The following ZNF268 variants were observed in gnomAD, a reference collection of about 807,000 sequenced individuals.
The protein encoded by ZNF268 is zinc finger protein 268, also known as zinc finger protein 3.
Under a neutral mutation model 29.3 loss-of-function variants are expected in ZNF268, and 20 were observed. The observed-to-expected ratio is 0.68, with a 90% CI of 0.48 to 0.99. The LOEUF is 0.99. Among genes scored for constraint, ZNF268 ranks in the 50% least tolerant of loss-of-function variants. The probability of loss-of-function intolerance (pLI) is 0.00; values close to 1 mark genes in which losing one functional copy is unlikely to be tolerated. For missense variants in ZNF268, 1,240 were observed against 1,121.6 expected, an observed-to-expected ratio of 1.11 and a Z score of -1.51; for synonymous variants, 429 against 376.9, an observed-to-expected ratio of 1.14 and a Z score of -1.60.
Position 133,207,191 on chromosome 12 carries a change from G to T in ZNF268, c.*2661G>T, listed in dbSNP as rs545593045. ...GAAAGACATTCCAGAGACTTTTCAG[G>T]AATAGTTATTATAAGGAAAATCCAA... On this transcript the variant is annotated 3_prime_UTR_variant, in exon 6 of 6. Coordinates refer to ENST00000536435, the MANE Select transcript of ZNF268 (RefSeq NM_003415.3). 6.6e-6 allele frequency: 1 copy of T among 152,154 alleles called. No individual in the cohort carries two copies. The highest frequency in any genetic ancestry group is 1.9e-4 in the East Asian group (1 of 5,188). 9.4% of individuals were successfully genotyped at this position (152,154 alleles called of 1,614,324 possible). A position where few individuals can be genotyped will look rare whatever the true frequency, so the allele number is the denominator to read the frequency against.
Position 133,206,433 on chromosome 12 carries a change from A to C in ZNF268, c.*1903A>C, listed in dbSNP as rs1956898988. 6.6e-6 allele frequency: 1 copy of C among 152,182 alleles called. No homozygotes were observed. Among genetic ancestry groups the C allele is most frequent in the Non-Finnish European group, 1.5e-5 (1 of 68,044 alleles). The allele number at this position is 152,182 out of a possible 1,614,324, so 9.4% of individuals were successfully genotyped here. Reference sequence around the variant, plus strand: ...CAATTTAAGATTATGTGTCAGTGATACTACTTAGTTACATGTAGCTATAGA... The same window carrying C: ...CAATTTAAGATTATGTGTCAGTGATCCTACTTAGTTACATGTAGCTATAGA... On this transcript the variant is annotated 3_prime_UTR_variant, in exon 6 of 6. Transcript: ENST00000536435.
intron 5 of ZNF268, among the ~76,000 whole-genome samples, chr12:133,199,261 G>A (rs1367736089): frequency 6.6e-6 from 1 of 152,160 alleles, no homozygotes. Flanking sequence ...GTTGAATTTT[G>A]TCAGAGGCCT....
intron 5 of ZNF268, among the ~76,000 whole-genome samples, chr12:133,199,732 C>T (rs1012478258): frequency 6.6e-6 from 1 of 152,188 alleles, no homozygotes; most frequent in African/African-American, 2.4e-5. Flanking sequence ...TTGGTCTATT[C>T]AGAGAGTCAA....
rs1012353724 is a variant in ZNF268 at position 133,204,618 on chromosome 12, C to T, written c.*88C>T. The T allele has an allele frequency of 1.9e-6, 2 of 1,048,072 alleles. No homozygotes were observed. The highest frequency in any genetic ancestry group is 1.7e-5 in the African/African-American group (1 of 59,838). The allele number at this position is 1,048,072 out of a possible 1,614,324, so 64.9% of individuals were successfully genotyped here. ...AACTCTGTAAGTGGAATCATCTTGTCATCTTCCAGAAAACTCATACTGAAT... is the reference window on the plus strand; with the variant it reads ...AACTCTGTAAGTGGAATCATCTTGTTATCTTCCAGAAAACTCATACTGAAT... On this transcript the variant is annotated 3_prime_UTR_variant, in exon 6 of 6. Coordinates refer to ENST00000536435, the MANE Select transcript of ZNF268 (RefSeq NM_003415.3).
chr12:133,194,655 G>T (rs1012739218), intron 5 of ZNF268, among the ~76,000 whole-genome samples: 5 of 152,214 alleles, frequency 3.3e-5, no homozygotes, highest in African/African-American at 9.7e-5. Context: ...GGCTATCTCC[G>T]TTGGCTCAGA....
Position 133,204,704 on chromosome 12 carries a change from C to A in ZNF268, c.*174C>A. 1.9e-6 allele frequency: 1 copy of A among 522,928 alleles called. No individual in the cohort carries two copies. Among genetic ancestry groups the A allele is most frequent in the Non-Finnish European group, 3.3e-6 (1 of 307,030 alleles). The allele number at this position is 522,928 out of a possible 1,614,324, so 32.4% of individuals were successfully genotyped here. Reference sequence around the variant, plus strand: ...TCCACAGAAAGCTGTTCTTTACATGCAAAAAGATAGTAGACAATACACAGG... The same window carrying A: ...TCCACAGAAAGCTGTTCTTTACATGAAAAAAGATAGTAGACAATACACAGG... On this transcript the variant is annotated 3_prime_UTR_variant, in exon 6 of 6. Transcript: ENST00000536435.
rs1566389074 is a variant in ZNF268, at chr12:133,204,884, T to C, written c.*354T>C. The C allele has an allele frequency of 1.1e-5, 2 of 180,552 alleles. No homozygotes were observed. The highest frequency in any genetic ancestry group is 2.4e-5 in the African/African-American group (1 of 42,534). The allele number at this position is 180,552 out of a possible 1,614,324, so 11.2% of individuals were successfully genotyped here. On this transcript the variant is annotated 3_prime_UTR_variant, in exon 6 of 6. Coordinates refer to ENST00000536435, the MANE Select transcript of ZNF268 (RefSeq NM_003415.3). ...GGAAACTTCATGAACCAGATGAATA[T>C]AGAATAGACTTCTTTGAAATTCATA...
rs1956884852 is a variant in ZNF268 at position 133,205,587 on chromosome 12, G to A, written c.*1057G>A. Reference sequence around the variant, plus strand: ...ATTGTTTCTTTGTGTCTTACCAAATGCAACTTGTTACTAGAATATGACTTA... The same window carrying A: ...ATTGTTTCTTTGTGTCTTACCAAATACAACTTGTTACTAGAATATGACTTA... On this transcript the variant is annotated 3_prime_UTR_variant, in exon 6 of 6. Transcript: ENST00000536435. The A allele has an allele frequency of 6.6e-6, 1 of 152,080 alleles. No individual in the cohort carries two copies. The highest frequency in any genetic ancestry group is 2.1e-4 in the South Asian group (1 of 4,828). 9.4% of individuals were successfully genotyped at this position (152,080 alleles called of 1,614,324 possible). A position where few individuals can be genotyped will look rare whatever the true frequency, so the allele number is the denominator to read the frequency against.
Position 133,191,626 on chromosome 12 carries a change from C to A in ZNF268, c.361+11C>A. 1 of 1,613,492 alleles carries A rather than the reference C, an allele frequency of 6.2e-7. No homozygotes were observed. The highest frequency in any genetic ancestry group is 8.5e-7 in the Non-Finnish European group (1 of 1,179,652). On this transcript the variant is annotated intron_variant, in intron 4 of 5. Transcript: ENST00000536435. ...ACCTGGTGTCCCTAGGTAAGTGCTG[C>A]CTCCCTGAGGAGGAGTGTGCTCGAT...
chr12:133,200,044 T>C (rs968240751), intron 5 of ZNF268, among the ~76,000 whole-genome samples: 7 of 152,154 alleles, frequency 4.6e-5, no homozygotes, highest in African/African-American at 1.7e-4. Flanking sequence ...CTCCTCTGAT[T>C]TTAGTTATTT....
At position 133,205,863 on chromosome 12, in the gene ZNF268, A is replaced by G. The variant is rs897335633; in HGVS notation, c.*1333A>G. 3.3e-5 allele frequency: 5 copies of G among 152,174 alleles called. No homozygotes were observed. Among genetic ancestry groups the G allele is most frequent in the Admixed American group, 2.0e-4 (3 of 15,272 alleles). 9.4% of individuals were successfully genotyped at this position (152,174 alleles called of 1,614,324 possible). ...CTGCTCAGGACTTGGCATGAGCACTATGGTCAGCTGAGGCTCAGAACTGTA... is the reference window on the plus strand; with the variant it reads ...CTGCTCAGGACTTGGCATGAGCACTGTGGTCAGCTGAGGCTCAGAACTGTA... On this transcript the variant is annotated 3_prime_UTR_variant, in exon 6 of 6. Transcript: ENST00000536435.
At chr12:133,191,740 T>C in intron 4 of ZNF268, 125 bp downstream of exon 4, 1 of 1,494,320 alleles carries the variant, frequency 6.7e-7, no homozygotes, top group Non-Finnish European at 9.2e-7. Flanking sequence ...CCAGATTTTC[T>C]TAGTTCCCTA....
chr12:133,212,574 T>A lies in ZNF268; in HGVS notation c.*8044T>A, dbSNP rs1464105624. 6.6e-6 allele frequency: 1 copy of A among 150,434 alleles called. No homozygotes were observed. 9.3% of individuals were successfully genotyped at this position (150,434 alleles called of 1,614,324 possible). On this transcript the variant is annotated 3_prime_UTR_variant, in exon 6 of 6. Coordinates refer to ENST00000536435, the MANE Select transcript of ZNF268 (RefSeq NM_003415.3). ...ATACACATATATATACACATATATATAATAAGAACATTTACCATTTTAACT... is the reference window on the plus strand; with the variant it reads ...ATACACATATATATACACATATATAAAATAAGAACATTTACCATTTTAACT...
At chr12:133,187,034 T>C (rs1474951937) in intron 2 of ZNF268, among the ~76,000 whole-genome samples, 5 of 152,350 alleles carry the variant, frequency 3.3e-5, no homozygotes, top group Admixed American at 2.6e-4. Context: ...CTATCTCTTA[T>C]CACCTTTTAC....
At position 133,204,293 on chromosome 12, in the gene ZNF268, T is replaced by G; in HGVS notation, c.2607T>G (p.Cys869Trp). Reference sequence around the variant, plus strand: ...AGAAACCATATGAATGCAGTGAGTGTGGAAAAGCCTTCATTAGGAATTCTC... The same window carrying G: ...AGAAACCATATGAATGCAGTGAGTGGGGAAAAGCCTTCATTAGGAATTCTC... ...TREKPYECSE[C>W]GKAFIRNSQL... The change falls in exon 6 of 6, where the codon TGT (cysteine) becomes TGG (tryptophan). Residue 869 changes from cysteine (C) to tryptophan (W), a missense_variant. This residue lies in a region of ZNF268 where 1,177 missense variants were observed against 1,039.6 expected (regional missense o/e 1.13). Transcript: ENST00000536435. 6.4e-7 allele frequency: 1 copy of G among 1,555,874 alleles called. No individual in the cohort carries two copies. The highest frequency in any genetic ancestry group is 8.7e-7 in the Non-Finnish European group (1 of 1,153,932).
Position 133,202,653 on chromosome 12 carries a change from C to T in ZNF268, c.967C>T (p.Gln323Ter). The T allele has an allele frequency of 6.2e-7, 1 of 1,605,848 alleles. No homozygotes were observed. Among genetic ancestry groups the T allele is most frequent in the Non-Finnish European group, 8.5e-7 (1 of 1,175,726 alleles). Residue 323 changes from glutamine (Q) to a stop codon, truncating the protein, a stop_gained, in exon 6 of 6, where the codon CAG becomes TAG. Coordinates refer to ENST00000536435, the MANE Select transcript of ZNF268 (RefSeq NM_003415.3). LOFTEE classifies it low-confidence loss of function (END_TRUNC). ...TAGTAAATCATACCTCATTGTACAT[C>T]AGAGAATTCATACAGGAGAGAAACT... ...FSSKSYLIVH[Q>*]RIHTGEKLHE...
chr12:133,197,736 G>C (rs542133374), intron 5 of ZNF268, among the ~76,000 whole-genome samples: 130 of 152,284 alleles, frequency 8.5e-4, no homozygotes, highest in African/African-American at 3.0e-3. Context: ...CATCCTAACT[G>C]GTGTGAGATG....
rs1248993012 is a variant in ZNF268, at chr12:133,209,434, G to A, written c.*4904G>A. On this transcript the variant is annotated 3_prime_UTR_variant, in exon 6 of 6. Coordinates refer to ENST00000536435, the MANE Select transcript of ZNF268 (RefSeq NM_003415.3). ...AAATCTTAAATAAATTCTGATTTTGGTATAAATGATATATTTAAATTTAAA... is the reference window on the plus strand; with the variant it reads ...AAATCTTAAATAAATTCTGATTTTGATATAAATGATATATTTAAATTTAAA... The A allele has an allele frequency of 1.3e-5, 2 of 152,152 alleles. No individual in the cohort carries two copies. Among genetic ancestry groups the A allele is most frequent in the Admixed American group, 6.6e-5 (1 of 15,264 alleles). 9.4% of individuals were successfully genotyped at this position (152,152 alleles called of 1,614,324 possible).
Position 133,191,472 on chromosome 12 carries a change from A to G in ZNF268, c.235-17A>G, listed in dbSNP as rs749844042. 1.9e-6 allele frequency: 3 copies of G among 1,613,860 alleles called. No individual in the cohort carries two copies. Among genetic ancestry groups the G allele is most frequent in the Non-Finnish European group, 1.7e-6 (2 of 1,179,828 alleles). On this transcript the variant is annotated splice_polypyrimidine_tract_variant and intron_variant, in intron 3 of 5. Coordinates refer to ENST00000536435, the MANE Select transcript of ZNF268 (RefSeq NM_003415.3). The stretch of plus-strand genomic sequence containing the variant: ...TAGTAAAATAACTTGAAATTGGATG[A>G]GCATATTGTATTTCAGGGACCTTTG...
Sources: gnomAD v4.1 joint callset for allele counts (sites outside exome capture counted in the v4.1 genomes callset) on GRCh38, gnomAD v4.1.1 for gene constraint, gnomAD v4.1.1 regional missense constraint, MANE v1.5 for transcripts, NCBI Gene and HGNC (gene_info 2026-07-23, HGNC 2026-07-21) for gene names.